SEMA6D: variants seen among roughly 807,000 people sequenced by gnomAD.
SEMA6D encodes the protein semaphorin-6D.
A neutral mutation model predicts 106.6 loss-of-function variants in SEMA6D; 35 were observed. That is an observed-to-expected ratio of 0.33 (90% CI 0.25 to 0.44). The LOEUF is 0.44. SEMA6D is among the 20% of genes least tolerant of loss of function. SEMA6D has a pLI of 1.00. For synonymous variants in SEMA6D, 499 were observed against 487.7 expected, an observed-to-expected ratio of 1.02 and a Z score of -0.31; for missense variants, 1,185 against 1,345.9, an observed-to-expected ratio of 0.88 and a Z score of 1.87.
At chr15:47,407,961 A>G (rs1595922812) in intron 1 of SEMA6D, among the ~76,000 whole-genome samples, 1 of 152,236 alleles carries the variant, frequency 6.6e-6, no homozygotes, top group East Asian at 1.9e-4. Context: ...TCTCCATGTG[A>G]AAGGACGTGG....
At chr15:47,565,559 A>G (rs563492046) in intron 3 of SEMA6D, among the ~76,000 whole-genome samples, 2 of 152,338 alleles carry the variant, frequency 1.3e-5, no homozygotes, top group Admixed American at 6.5e-5. Flanking sequence ...TGTATGATAC[A>G]TGCACTCTGT....
intron 3 of SEMA6D, among the ~76,000 whole-genome samples, chr15:47,566,495 G>A (rs550841570): frequency 1.3e-5 from 2 of 152,350 alleles, no homozygotes; most frequent in Admixed American, 6.5e-5. Flanking sequence ...CCCAAGGAGA[G>A]TTCCCACATC....
chr15:47,334,350 G>C (rs1251522464), intron 1 of SEMA6D, among the ~76,000 whole-genome samples: 1 of 152,158 alleles, frequency 6.6e-6, no homozygotes, highest in Non-Finnish European at 1.5e-5. Flanking sequence ...TGGGGTTTAT[G>C]GGAACCCCCA....
intron 3 of SEMA6D, among the ~76,000 whole-genome samples, chr15:47,483,988 A>G (rs1008146611): frequency 3.3e-5 from 5 of 152,088 alleles, no homozygotes; most frequent in East Asian, 1.9e-4. Context: ...CCTGTGTGCA[A>G]AAATCTTAAA....
intron 1 of SEMA6D, among the ~76,000 whole-genome samples, chr15:47,366,145 ACT>A (rs1419594275): frequency 2.6e-5 from 4 of 152,184 alleles, no homozygotes; most frequent in Non-Finnish European, 2.9e-5. Flanking sequence ...AAATTGTGTC[ACT>A]CTGATCTGTT....
At chr15:47,497,165 T>C (rs183392828) in intron 3 of SEMA6D, among the ~76,000 whole-genome samples, 3 of 152,154 alleles carry the variant, frequency 2.0e-5, no homozygotes, top group Admixed American at 2.0e-4. Context: ...AACATTCCTC[T>C]TTGTTGCCAG....
intron 1 of SEMA6D, among the ~76,000 whole-genome samples, chr15:47,324,153 C>G (rs1030673325): frequency 1.3e-5 from 2 of 152,030 alleles, no homozygotes; most frequent in African/African-American, 4.8e-5. Context: ...CCAAAAGAAA[C>G]AAATCTAAAG....
chr15:47,530,110 T>C (rs2142050002), intron 3 of SEMA6D, among the ~76,000 whole-genome samples: 1 of 152,330 alleles, frequency 6.6e-6, no homozygotes, highest in East Asian at 1.9e-4. Context: ...GTCATGCTTT[T>C]GGGCTGAGAA....
At chr15:47,627,911 G>A (rs12899833) in intron 4 of SEMA6D, among the ~76,000 whole-genome samples, 43,405 of 151,968 alleles carry the variant, frequency 0.29, 7,214 homozygotes, top group East Asian at 0.45. Context: ...GTCATTTCAA[G>A]AATGTTGTAT....
At chr15:47,555,034 C>A (rs989849462) in intron 3 of SEMA6D, among the ~76,000 whole-genome samples, 6 of 152,288 alleles carry the variant, frequency 3.9e-5, no homozygotes, top group African/African-American at 1.4e-4. Flanking sequence ...GCCTTCCAAG[C>A]AGGCCCGCTT....
At chr15:47,348,603 G>A (rs1289363582) in intron 1 of SEMA6D, among the ~76,000 whole-genome samples, 1 of 151,348 alleles carries the variant, frequency 6.6e-6, no homozygotes, top group African/African-American at 2.4e-5. Flanking sequence ...AGGTGTACAA[G>A]AGAACTTCAA....
intron 2 of SEMA6D, among the ~76,000 whole-genome samples, chr15:47,469,369 G>T (rs1274855853): frequency 6.6e-6 from 1 of 151,456 alleles, no homozygotes. Flanking sequence ...TGTGTTTAGT[G>T]GGGGGAGGAC....
intron 4 of SEMA6D, among the ~76,000 whole-genome samples, chr15:47,707,102 C>CT (rs1209253545): frequency 6.6e-6 from 1 of 152,142 alleles, no homozygotes; most frequent in East Asian, 1.9e-4. Flanking sequence ...AGAGGTGATT[C>CT]TTTTTCCTCT....
rs978737396 is a variant in SEMA6D, at chr15:47,588,897, G to C, written c.-86-11968G>C. 3.3e-5 allele frequency among the ~76,000 whole-genome samples: 5 copies of C among 152,146 alleles called. No homozygotes were observed. In the East Asian group the frequency reaches 9.7e-4, roughly 29 times the overall value. The stretch of plus-strand genomic sequence containing the variant: ...TGCCAAGGGGACACTTGGCAATCTG[G>C]AGATGTTTTTGGTTGCCACAACTGT... On this transcript the variant is annotated intron_variant, in intron 3 of 19. Coordinates refer to the SEMA6D transcript ENST00000558014.
At chr15:47,285,630 A>G (rs1248049798) in intron 1 of SEMA6D, among the ~76,000 whole-genome samples, 1 of 152,218 alleles carries the variant, frequency 6.6e-6, no homozygotes, top group Non-Finnish European at 1.5e-5. Flanking sequence ...AAGTGGATGA[A>G]CTGAACGAAG....
At chr15:47,518,532 C>T (rs991179238) in intron 3 of SEMA6D, among the ~76,000 whole-genome samples, 12 of 152,124 alleles carry the variant, frequency 7.9e-5, no homozygotes, top group African/African-American at 2.7e-4. Flanking sequence ...AGCTACAAAC[C>T]TGTATAGCAA....
At chr15:47,354,761 G>A (rs533628751) in intron 1 of SEMA6D, among the ~76,000 whole-genome samples, 2 of 151,898 alleles carry the variant, frequency 1.3e-5, no homozygotes, top group African/African-American at 4.8e-5. Flanking sequence ...GCACCAAGCC[G>A]ACTTGCATGG....
chr15:47,478,660 A>C (rs1172391936), intron 3 of SEMA6D, among the ~76,000 whole-genome samples: 1 of 152,230 alleles, frequency 6.6e-6, no homozygotes, highest in East Asian at 1.9e-4. Flanking sequence ...ATGGTGGCTT[A>C]GTCAGAACTT....
At chr15:47,436,769 ATATAT>A (rs752469045) in intron 2 of SEMA6D, among the ~76,000 whole-genome samples, 2 of 96,034 alleles carry the variant, frequency 2.1e-5, no homozygotes, top group Non-Finnish European at 2.2e-5. Flanking sequence ...AAAAAAAAAA[ATATAT>A]ATATATATAT....
Sources: allele counts gnomAD v4.1 joint callset (sites outside exome capture counted in the v4.1 genomes callset), GRCh38; gene constraint gnomAD v4.1.1; transcripts MANE v1.5; gene names NCBI Gene and HGNC (gene_info 2026-07-23, HGNC 2026-07-21).